Variants in MITF observed in about 807,000 individuals in gnomAD.
MITF encodes the protein melanocyte inducing transcription factor.
In MITF, 17 loss-of-function variants were observed where a neutral mutation model predicts 60.5. That is an observed-to-expected ratio of 0.28 (90% CI 0.19 to 0.42). The LOEUF (loss-of-function observed/expected upper bound fraction) is 0.42. Ranked by LOEUF, MITF falls within the 10% of genes least tolerant of loss-of-function variation. The pLI, the probability that MITF is intolerant of heterozygous loss-of-function variation, is 1.00. For missense variants in MITF, 622 were observed against 683.5 expected (o/e 0.91, Z 1.00); for synonymous variants, 260 against 248.5 (o/e 1.05, Z -0.43).
chr3:69,955,022 G>C (rs2066361023), intron 7 of MITF, among the ~76,000 whole-genome samples: 1 of 152,152 alleles, frequency 6.6e-6, no homozygotes, highest in African/African-American at 2.4e-5. Flanking sequence ...CATTTATCAT[G>C]TCATATGCCT....
intron 1 of MITF, among the ~76,000 whole-genome samples, chr3:69,860,942 TG>T (rs1226745052): frequency 2.0e-5 from 3 of 152,156 alleles, no homozygotes; most frequent in Non-Finnish European, 2.9e-5. Context: ...AGAAACAGGA[TG>T]AAAGAGATAA....
chr3:69,850,355 A>C (rs188153768), intron 1 of MITF, among the ~76,000 whole-genome samples: 18 of 152,336 alleles, frequency 1.2e-4, no homozygotes, highest in Admixed American at 3.9e-4. Flanking sequence ...AGTCTCTTAA[A>C]GTCTCATTCT....
chr3:69,926,526 C>G (rs565563050), intron 2 of MITF, among the ~76,000 whole-genome samples: 1 of 152,198 alleles, frequency 6.6e-6, no homozygotes, highest in East Asian at 1.9e-4. Flanking sequence ...ATCTCTAATA[C>G]CCGATAAACT....
chr3:69,883,667 C>T (rs1472795188), intron 2 of MITF, among the ~76,000 whole-genome samples: 1 of 152,048 alleles, frequency 6.6e-6, no homozygotes, highest in East Asian at 1.9e-4. Context: ...GAATACAGAC[C>T]CTAAATAGCA....
At chr3:69,926,848 T>C (rs2065603161) in intron 2 of MITF, among the ~76,000 whole-genome samples, 1 of 152,180 alleles carries the variant, frequency 6.6e-6, no homozygotes, top group East Asian at 1.9e-4. Flanking sequence ...GATCAAACAG[T>C]TCAAGAAAAA....
At position 69,951,777 on chromosome 3, in the gene MITF, G is replaced by T. The variant is rs557085410; in HGVS notation, c.881-35G>T. ...TTTACATTTTGTGCAACTTCAAACA[G>T]TTCCAACTTCTAATGACTTCATTCA... On this transcript the variant is annotated intron_variant, in intron 6 of 9. Coordinates refer to ENST00000352241, the MANE Select transcript of MITF (RefSeq NM_001354604.2). 3.8e-6 allele frequency: 6 copies of T among 1,568,166 alleles called. No individual in the cohort carries two copies. In the South Asian group the frequency reaches 5.6e-5, roughly 15 times the overall value.
chr3:69,902,873 GA>G (rs60852386), intron 2 of MITF, among the ~76,000 whole-genome samples: 13 of 148,988 alleles, frequency 8.7e-5, no homozygotes, highest in South Asian at 2.1e-4. Flanking sequence ...GTAAAATGCA[GA>G]AAAAAAAACC....
intron 2 of MITF, among the ~76,000 whole-genome samples, chr3:69,907,604 T>A (rs74460714): frequency 0.015 from 2,331 of 152,270 alleles, 29 homozygotes; most frequent in Middle Eastern, 0.051. Flanking sequence ...TGCCAAAATT[T>A]GTATTTGAAA....
intron 1 of MITF, among the ~76,000 whole-genome samples, chr3:69,815,740 C>G (rs1339149648): frequency 1.3e-5 from 2 of 152,124 alleles, no homozygotes; most frequent in African/African-American, 4.8e-5. Context: ...CTAACCCCTA[C>G]ATTGTTCAAG....
chr3:69,870,402 A>G (rs1259915478), intron 1 of MITF, among the ~76,000 whole-genome samples: 1 of 148,404 alleles, frequency 6.7e-6, no homozygotes, highest in Non-Finnish European at 1.5e-5. Flanking sequence ...GTATAAATAT[A>G]TGTGTATATA....
intron 1 of MITF, among the ~76,000 whole-genome samples, chr3:69,776,677 C>A (rs971539221): frequency 6.6e-6 from 1 of 152,082 alleles, no homozygotes; most frequent in African/African-American, 2.4e-5. Context: ...GTATGTTGAG[C>A]TTCAATTTTC....
intron 1 of MITF, among the ~76,000 whole-genome samples, chr3:69,775,526 C>A (rs541713129): frequency 1.3e-5 from 2 of 152,320 alleles, no homozygotes; most frequent in Admixed American, 1.3e-4. Flanking sequence ...ACACACAAAT[C>A]AGCATTCTTT....
intron 1 of MITF, among the ~76,000 whole-genome samples, chr3:69,761,639 C>A (rs1358682300): frequency 6.6e-6 from 1 of 152,098 alleles, no homozygotes; most frequent in Non-Finnish European, 1.5e-5. Context: ...AAATCCAAAA[C>A]AAATAGTTAT....
intron 1 of MITF, among the ~76,000 whole-genome samples, chr3:69,758,380 A>G (rs1422318815): frequency 6.6e-6 from 1 of 151,690 alleles, no homozygotes; most frequent in African/African-American, 2.4e-5. Flanking sequence ...TTTGTTGCCC[A>G]TGCTGGTCTT....
At chr3:69,868,999 G>A (rs555217384) in intron 1 of MITF, among the ~76,000 whole-genome samples, 22 of 152,026 alleles carry the variant, frequency 1.4e-4, no homozygotes, top group Middle Eastern at 3.4e-3. Context: ...ATCTTAACAT[G>A]TGGAGGGAAA....
intron 1 of MITF, among the ~76,000 whole-genome samples, chr3:69,821,962 A>G (rs1411223723): frequency 6.6e-6 from 1 of 152,102 alleles, no homozygotes; most frequent in East Asian, 1.9e-4. Context: ...AGGCTGGTCT[A>G]GAACGCCTGG....
chr3:69,933,224 G>A (rs962767072), intron 2 of MITF, among the ~76,000 whole-genome samples: 8 of 150,410 alleles, frequency 5.3e-5, no homozygotes, highest in Non-Finnish European at 8.9e-5. Context: ...TAAACTAAAA[G>A]GATTAAGAAA....
chr3:69,746,289 G>A (rs1404465322), intron 1 of MITF, among the ~76,000 whole-genome samples: 1 of 152,166 alleles, frequency 6.6e-6, no homozygotes, highest in East Asian at 1.9e-4. Flanking sequence ...TGCAAGAAGT[G>A]GAAAATATCC....
At chr3:69,804,720 C>G (rs1242498032) in intron 1 of MITF, among the ~76,000 whole-genome samples, 1 of 152,196 alleles carries the variant, frequency 6.6e-6, no homozygotes, top group Non-Finnish European at 1.5e-5. Flanking sequence ...TTTCGAGGGT[C>G]TCTGCAGGGT....
Sources: allele counts gnomAD v4.1 joint callset (sites outside exome capture counted in the v4.1 genomes callset), GRCh38; gene constraint gnomAD v4.1.1; transcripts MANE v1.5; gene names NCBI Gene and HGNC (gene_info 2026-07-23, HGNC 2026-07-21).